ZNF609: variants seen among roughly 807,000 people sequenced by gnomAD.
The protein encoded by ZNF609 is zinc finger protein 609.
In ZNF609, 11 loss-of-function variants were observed where a neutral mutation model predicts 109.5. That is an observed-to-expected ratio of 0.10 (90% CI 0.06 to 0.17). ZNF609 has a LOEUF of 0.17. ZNF609 is among the 10% of genes least tolerant of loss of function. ZNF609 has a pLI of 1.00. For synonymous variants in ZNF609, 646 were observed against 662.0 expected (o/e 0.98, Z 0.37); for missense variants, 1,559 against 1,772.4 (o/e 0.88, Z 2.16).
rs71133451 is a variant in ZNF609, at chr15:64,588,442, A to AAAAAAAAAGAAGAAG, written c.748-34383_748-34382insAAAAAAGAAGAAGAA. 2.7e-5 allele frequency among the ~76,000 whole-genome samples: 2 copies of AAAAAAAAAGAAGAAG among 75,272 alleles called. 1 individual carries two copies. Among genetic ancestry groups the AAAAAAAAAGAAGAAG allele is most frequent in the Admixed American group, 4.7e-4 (2 of 4,218 alleles). The allele number at this position is 75,272 out of a possible 152,430, so 49.4% of individuals were successfully genotyped here. On this transcript the variant is annotated intron_variant, in intron 2 of 9. Coordinates refer to ENST00000326648, the MANE Select transcript of ZNF609 (RefSeq NM_015042.2). ...CACTCTGTCTAAAAAAAAAAAAAAA[A>AAAAAAAAAGAAGAAG]AAGAAGAGGAAGACTGTACAGACTA...
intron 2 of ZNF609, among the ~76,000 whole-genome samples, chr15:64,561,090 G>C (rs1397166388): frequency 6.6e-6 from 1 of 152,084 alleles, no homozygotes; most frequent in African/African-American, 2.4e-5. Context: ...CTTTATATCT[G>C]CTCTTACTTA....
intron 1 of ZNF609, among the ~76,000 whole-genome samples, chr15:64,488,643 C>T (rs577832082): frequency 1.3e-5 from 2 of 152,250 alleles, no homozygotes; most frequent in Admixed American, 1.3e-4. Context: ...TCTTTGTCCC[C>T]TCAGATTTAC....
chr15:64,526,940 C>T (rs915084909), intron 2 of ZNF609, among the ~76,000 whole-genome samples: 11 of 152,012 alleles, frequency 7.2e-5, no homozygotes, highest in African/African-American at 2.4e-4. Flanking sequence ...CATAAAGCAC[C>T]GTACCCAGCC....
At chr15:64,631,239 T>C (rs1595746210) in intron 3 of ZNF609, 1 of 645,070 alleles carries the variant, frequency 1.6e-6, no homozygotes, top group East Asian at 3.2e-5. Context: ...TTTGGCTTCT[T>C]TCTTTTTCTG....
chr15:64,601,234 G>A (rs905532727), intron 2 of ZNF609, among the ~76,000 whole-genome samples: 7 of 152,188 alleles, frequency 4.6e-5, no homozygotes, highest in Non-Finnish European at 8.8e-5. Context: ...TGGACGATGA[G>A]GCTGAGGAAG....
At chr15:64,475,075 G>C (rs548444741) in intron 1 of ZNF609, among the ~76,000 whole-genome samples, 4 of 144,160 alleles carry the variant, frequency 2.8e-5, no homozygotes, top group African/African-American at 1.0e-4. Flanking sequence ...TTACAGGCCT[G>C]TGCTAGCATA....
chr15:64,613,168 A>G (rs1438718615), intron 2 of ZNF609, among the ~76,000 whole-genome samples: 1 of 152,016 alleles, frequency 6.6e-6, no homozygotes, highest in Non-Finnish European at 1.5e-5. Context: ...AAAAAATACA[A>G]CAGTTAACCA....
chr15:64,547,315 C>T (rs74596616), intron 2 of ZNF609, among the ~76,000 whole-genome samples: 2,706 of 152,172 alleles, frequency 0.018, 84 homozygotes, highest in African/African-American at 0.059. Flanking sequence ...AGAATAAGAT[C>T]CACATGATCT....
At chr15:64,560,250 G>A (rs1894654615) in intron 2 of ZNF609, among the ~76,000 whole-genome samples, 1 of 151,924 alleles carries the variant, frequency 6.6e-6, no homozygotes, top group Non-Finnish European at 1.5e-5. Flanking sequence ...GTTTCACCAT[G>A]TTGGCCTGGA....
chr15:64,603,174 TTG>T (rs1895532334), intron 2 of ZNF609, among the ~76,000 whole-genome samples: 1 of 152,064 alleles, frequency 6.6e-6, no homozygotes, highest in African/African-American at 2.4e-5. Flanking sequence ...GTTGCTACTG[TTG>T]TGTTCTTGCA....
intron 2 of ZNF609, among the ~76,000 whole-genome samples, chr15:64,523,696 G>T (rs906147971): frequency 6.6e-6 from 1 of 151,788 alleles, no homozygotes; most frequent in Admixed American, 6.6e-5. Flanking sequence ...CTGGGAGGCA[G>T]AGATTGAAGT....
rs1021916619 is a variant in ZNF609, at chr15:64,683,875, C to T, written c.*2189C>T. On this transcript the variant is annotated 3_prime_UTR_variant, in exon 10 of 10. Coordinates refer to ENST00000326648, the MANE Select transcript of ZNF609 (RefSeq NM_015042.2). ...TCTTTTGCATTGGGCAGGCATGGCC[C>T]TGCATTCCTGCCCTTTCCACTCATT... The T allele has an allele frequency of 2.0e-5, 3 of 152,278 alleles. No individual in the cohort carries two copies. The highest frequency in any genetic ancestry group is 7.2e-5 in the African/African-American group (3 of 41,480). 9.4% of individuals were successfully genotyped at this position (152,278 alleles called of 1,614,324 possible).
chr15:64,671,702 G>C (rs1441898272), intron 4 of ZNF609, among the ~76,000 whole-genome samples: 2 of 152,036 alleles, frequency 1.3e-5, no homozygotes, highest in African/African-American at 2.4e-5. Context: ...CTAACATACA[G>C]GTAACATCCT....
intron 3 of ZNF609, among the ~76,000 whole-genome samples, chr15:64,637,792 T>G (rs188150783): frequency 4.2e-4 from 64 of 152,154 alleles, no homozygotes; most frequent in Middle Eastern, 3.4e-3. Flanking sequence ...TAGTCCTTTG[T>G]GAGATTTATG....
intron 1 of ZNF609, among the ~76,000 whole-genome samples, chr15:64,489,374 G>C (rs1893378514): frequency 6.7e-6 from 1 of 149,778 alleles, no homozygotes; most frequent in Admixed American, 6.7e-5. Context: ...TAGAGACAGG[G>C]TTTTACCATC....
chr15:64,567,902 C>T (rs1894803569), intron 2 of ZNF609, among the ~76,000 whole-genome samples: 1 of 152,052 alleles, frequency 6.6e-6, no homozygotes, highest in African/African-American at 2.4e-5. Context: ...ACATCGTGAT[C>T]TGCCCACCTC....
Position 64,499,834 on chromosome 15 carries a change from G to T in ZNF609, c.415G>T (p.Ala139Ser). 1 of 1,614,064 alleles carries T rather than the reference G, an allele frequency of 6.2e-7. No individual in the cohort carries two copies. The highest frequency in any genetic ancestry group is 8.5e-7 in the Non-Finnish European group (1 of 1,180,008). The change falls in exon 2 of 10, where the codon GCT (alanine) becomes TCT (serine). Residue 139 changes from alanine (A) to serine (S), a missense_variant. Transcript: ENST00000326648. ...TGCTGGAGGCCTGGTTGCTGCTATT[G>T]CTCCCAAGGGCTCAGAGAAGGCGGC... Reference protein sequence around the residue: ...ANAGGLVAAIAPKGSEKAAKA... With the variant: ...ANAGGLVAAISPKGSEKAAKA...
chr15:64,671,552 G>A (rs1199178537), intron 4 of ZNF609, among the ~76,000 whole-genome samples: 2 of 152,034 alleles, frequency 1.3e-5, no homozygotes, highest in African/African-American at 2.4e-5. Context: ...TAGAACATAC[G>A]GGTTTCACAA....
chr15:64,633,321 AT>A (rs1896115405), intron 3 of ZNF609, among the ~76,000 whole-genome samples: 1 of 151,830 alleles, frequency 6.6e-6, no homozygotes, highest in Admixed American at 6.6e-5. Flanking sequence ...CTAATTTTGT[AT>A]TTTTTGTGGT....
Sources: allele counts gnomAD v4.1 joint callset (sites outside exome capture counted in the v4.1 genomes callset), GRCh38; gene constraint gnomAD v4.1.1; transcripts MANE v1.5; gene names NCBI Gene and HGNC (gene_info 2026-07-23, HGNC 2026-07-21).